NRXN3: variants seen among roughly 807,000 people sequenced by gnomAD.
The protein encoded by NRXN3 is neurexin III.
A neutral mutation model predicts 137.6 loss-of-function variants in NRXN3; 32 were observed. The ratio of observed to expected loss-of-function variants is 0.23; its 90% CI spans 0.18 to 0.31. NRXN3 has a LOEUF of 0.31. NRXN3 is among the 10% of genes least tolerant of loss of function. NRXN3 has a pLI of 1.00. For synonymous variants in NRXN3, 798 were observed against 784.5 expected (o/e 1.02, Z -0.29); for missense variants, 1,574 against 2,062.5 (o/e 0.76, Z 4.59).
chr14:79,296,357 A>G (rs1421639362), intron 15 of NRXN3, among the ~76,000 whole-genome samples: 1 of 152,130 alleles, frequency 6.6e-6, no homozygotes, highest in Middle Eastern at 3.2e-3. Context: ...TAGGTCATTA[A>G]AAAGTGCTTC....
At chr14:79,256,410 C>T (rs189305222) in intron 15 of NRXN3, among the ~76,000 whole-genome samples, 198 of 152,316 alleles carry the variant, frequency 1.3e-3, no homozygotes, top group African/African-American at 4.0e-3. Context: ...ACACTTAACA[C>T]ATTGTTAGCA....
chr14:79,611,306 G>A (rs560136030), intron 16 of NRXN3: 1 of 152,300 alleles, frequency 6.6e-6, no homozygotes, highest in East Asian at 1.9e-4. Context: ...TAACCAAAGA[G>A]ACACGTATCA....
intron 17 of NRXN3, among the ~76,000 whole-genome samples, chr14:79,675,126 G>C (rs2098633639): frequency 6.6e-6 from 1 of 152,000 alleles, no homozygotes; most frequent in Non-Finnish European, 1.5e-5. Flanking sequence ...GCTAGTAGGT[G>C]GCAGAACCAA....
chr14:78,448,946 G>C (rs1020463611), intron 4 of NRXN3, among the ~76,000 whole-genome samples: 1 of 152,164 alleles, frequency 6.6e-6, no homozygotes, highest in Non-Finnish European at 1.5e-5. Context: ...CAGTTCCTGC[G>C]TAAGTTCAGA....
At chr14:79,159,434 A>G (rs903989165) in intron 15 of NRXN3, among the ~76,000 whole-genome samples, 1 of 151,894 alleles carries the variant, frequency 6.6e-6, no homozygotes, top group African/African-American at 2.4e-5. Context: ...TTAATTTTTC[A>G]GTAAGCATTG....
At chr14:78,428,644 G>A (rs1160199112) in intron 4 of NRXN3, among the ~76,000 whole-genome samples, 1 of 152,140 alleles carries the variant, frequency 6.6e-6, no homozygotes, top group East Asian at 1.9e-4. Context: ...AAGCTCTACA[G>A]GGTGAGTTGG....
At chr14:79,500,295 CAA>C (rs1358083691) in intron 16 of NRXN3, among the ~76,000 whole-genome samples, 1 of 148,586 alleles carries the variant, frequency 6.7e-6, no homozygotes, top group East Asian at 2.0e-4. Context: ...ATCATTTACC[CAA>C]ATAAAACAGA....
chr14:78,295,693 G>A (rs1426654898), intron 3 of NRXN3, among the ~76,000 whole-genome samples: 1 of 152,106 alleles, frequency 6.6e-6, no homozygotes, highest in Admixed American at 6.5e-5. Context: ...GATTCATTAG[G>A]TCTTGGTTCG....
Position 78,709,206 on chromosome 14 carries a change from GC to G in NRXN3, c.1222-10del, listed in dbSNP as rs771953182. ...TTGATTCACATGGCACTTTTGTTTGGCTTTTGACAGGTTGTTTATAAGAATA... is the reference window on the plus strand; with the variant it reads ...TTGATTCACATGGCACTTTTGTTTGGTTTTGACAGGTTGTTTATAAGAATA... On this transcript the variant is annotated splice_polypyrimidine_tract_variant and intron_variant, in intron 6 of 20. Transcript: ENST00000335750. The G allele has an allele frequency of 3.0e-5, 48 of 1,602,926 alleles. 1 individual carries two copies. The African/African-American group carries it at 5.8e-4, about 19-fold the overall frequency.
intron 15 of NRXN3, among the ~76,000 whole-genome samples, chr14:79,027,423 AG>A (rs2099600457): frequency 6.6e-6 from 1 of 152,140 alleles, no homozygotes; most frequent in African/African-American, 2.4e-5. Context: ...AAAATAGAAA[AG>A]GGAACAGCTG....
At chr14:78,453,891 C>G in intron 4 of NRXN3, among the ~76,000 whole-genome samples, 1 of 152,158 alleles carries the variant, frequency 6.6e-6, no homozygotes, top group East Asian at 1.9e-4. Context: ...ACAGACTCTC[C>G]CTTAGAGTCC....
intron 20 of NRXN3, among the ~76,000 whole-genome samples, chr14:79,822,843 A>T (rs1010609293): frequency 6.6e-6 from 1 of 152,192 alleles, no homozygotes; most frequent in Admixed American, 6.5e-5. Flanking sequence ...AAAAAAACCA[A>T]AAAAGCCACC....
intron 15 of NRXN3, among the ~76,000 whole-genome samples, chr14:79,450,281 G>T (rs930300346): frequency 6.6e-6 from 1 of 152,140 alleles, no homozygotes; most frequent in East Asian, 1.9e-4. Flanking sequence ...AGAGGCCTCA[G>T]GTTGGGGGTT....
chr14:78,343,224 C>T (rs756382129), intron 4 of NRXN3, among the ~76,000 whole-genome samples: 2 of 152,198 alleles, frequency 1.3e-5, no homozygotes, highest in African/African-American at 4.8e-5. Flanking sequence ...GTGATGCTTA[C>T]ATCAACACCA....
chr14:78,533,322 G>A (rs1458351731), intron 4 of NRXN3, among the ~76,000 whole-genome samples: 1 of 151,886 alleles, frequency 6.6e-6, no homozygotes, highest in Non-Finnish European at 1.5e-5. Flanking sequence ...CTGACCTCAG[G>A]TGATCCGCCC....
chr14:78,742,640 G>A (rs2098583669), intron 8 of NRXN3, among the ~76,000 whole-genome samples: 1 of 152,176 alleles, frequency 6.6e-6, no homozygotes, highest in African/African-American at 2.4e-5. Context: ...TGGCCAGAGT[G>A]TGTCTTGTAG....
chr14:79,820,378 T>G (rs2099267878), intron 20 of NRXN3, among the ~76,000 whole-genome samples: 1 of 152,120 alleles, frequency 6.6e-6, no homozygotes, highest in African/African-American at 2.4e-5. Context: ...TGTCCTGAGG[T>G]GAATAACGTG....
chr14:78,221,188 G>T (rs894234330), intron 1 of NRXN3, among the ~76,000 whole-genome samples: 1 of 152,158 alleles, frequency 6.6e-6, no homozygotes, highest in African/African-American at 2.4e-5. Context: ...GGTAAGAAGT[G>T]AAGAGAATGG....
intron 10 of NRXN3, among the ~76,000 whole-genome samples, chr14:78,841,735 A>G (rs1481863218): frequency 6.6e-6 from 1 of 152,140 alleles, no homozygotes; most frequent in East Asian, 1.9e-4. Flanking sequence ...CTTAAAAATG[A>G]AAGAATAAAT....
Sources: gnomAD v4.1 joint callset for allele counts (sites outside exome capture counted in the v4.1 genomes callset) on GRCh38, gnomAD v4.1.1 for gene constraint, MANE v1.5 for transcripts, NCBI Gene and HGNC (gene_info 2026-07-23, HGNC 2026-07-21) for gene names.